Variants in CD96 observed in about 807,000 individuals in gnomAD.
The protein encoded by CD96 is CD96 molecule.
A neutral mutation model predicts 71.3 loss-of-function variants in CD96; 70 were observed. That is an observed-to-expected ratio of 0.98 (90% CI 0.81 to 1.20). CD96 has a LOEUF of 1.20. CD96 is among the 50% of genes most tolerant of loss of function. The pLI is 0.00. For missense variants in CD96, 742 were observed against 677.5 expected (o/e 1.10, Z -1.06); for synonymous variants, 248 against 233.0 (o/e 1.06, Z -0.59).
At chr3:111,585,186 T>C (rs1936649293) in intron 4 of CD96, 137 bp from the exon 5 acceptor site, 1 of 301,628 alleles carries the variant, frequency 3.3e-6, no homozygotes, top group African/African-American at 2.3e-5. Flanking sequence ...CTGGCAGTAT[T>C]ATATTAATAA....
rs542759447 is a variant in CD96 at position 111,553,323 on chromosome 3, C to T, written c.418+7921C>T. ...GATGATTTGTCCAGCCTGGATTTTGCTCTTATAGTCCCATAGTATCTCTAT... is the reference window on the plus strand; with the variant it reads ...GATGATTTGTCCAGCCTGGATTTTGTTCTTATAGTCCCATAGTATCTCTAT... On this transcript the variant is annotated intron_variant, in intron 2 of 13. Transcript: ENST00000352690. Among the ~76,000 whole-genome samples, 11 of 151,804 alleles carry T rather than the reference C, an allele frequency of 7.2e-5. No individual in the cohort carries two copies. In the South Asian group the frequency reaches 1.7e-3, roughly 23 times the overall value.
rs568235407 is a variant in CD96, at chr3:111,610,247, T to A, written c.1180+3455T>A. ...TTATCTTTTTGGAATAATCACTGAATTACTATTGAAAAATCCAAATTTTGC... is the reference window on the plus strand; with the variant it reads ...TTATCTTTTTGGAATAATCACTGAAATACTATTGAAAAATCCAAATTTTGC... On this transcript the variant is annotated intron_variant, in intron 8 of 13. Coordinates refer to ENST00000352690, the MANE Select transcript of CD96 (RefSeq NM_005816.5). 1.8e-4 allele frequency among the ~76,000 whole-genome samples: 28 copies of A among 152,378 alleles called. No individual in the cohort carries two copies. In the South Asian group the frequency reaches 4.8e-3, roughly 26 times the overall value.
chr3:111,618,324 G>A (rs1938348217), intron 8 of CD96, among the ~76,000 whole-genome samples: 1 of 152,168 alleles, frequency 6.6e-6, no homozygotes, highest in African/African-American at 2.4e-5. Context: ...AGGATCCCGT[G>A]ACAATTTCAC....
intron 4 of CD96, 162 bp downstream of exon 4, chr3:111,579,396 T>A: frequency 2.8e-6 from 2 of 701,842 alleles, no homozygotes; most frequent in African/African-American, 1.7e-5. Flanking sequence ...GGCAGGGGGA[T>A]GAGGGTAGGA....
chr3:111,570,387 G>C (rs546353662), intron 3 of CD96, among the ~76,000 whole-genome samples: 9 of 152,274 alleles, frequency 5.9e-5, no homozygotes, highest in African/African-American at 1.9e-4. Flanking sequence ...TGGGATCAAA[G>C]GTTGTGCAGA....
intron 14 of CD96, among the ~76,000 whole-genome samples, chr3:111,662,465 C>G (rs369557464): frequency 6.6e-6 from 1 of 152,196 alleles, no homozygotes; most frequent in Admixed American, 6.5e-5. Context: ...AATTTTCCAA[C>G]CTTTTATGCT....
chr3:111,616,002 G>A (rs941280465), intron 8 of CD96, among the ~76,000 whole-genome samples: 4 of 151,856 alleles, frequency 2.6e-5, no homozygotes, highest in Non-Finnish European at 4.4e-5. Context: ...CGAAATTTTT[G>A]TTCAAATGTC....
chr3:111,606,366 G>T (rs1937624420), intron 7 of CD96, among the ~76,000 whole-genome samples: 1 of 152,136 alleles, frequency 6.6e-6, no homozygotes, highest in African/African-American at 2.4e-5. Flanking sequence ...ACCAGGTCTT[G>T]GTAAAGTGTA....
chr3:111,584,495 C>T (rs1455607901), intron 4 of CD96, among the ~76,000 whole-genome samples: 1 of 152,166 alleles, frequency 6.6e-6, no homozygotes, highest in Admixed American at 6.5e-5. Flanking sequence ...TTTCACACTG[C>T]TGATAAAGAC....
At chr3:111,599,195 C>G (rs951714982) in intron 6 of CD96, among the ~76,000 whole-genome samples, 2 of 152,056 alleles carry the variant, frequency 1.3e-5, no homozygotes, top group African/African-American at 2.4e-5. Flanking sequence ...GTCTCGATCT[C>G]CTGACCTCGT....
At chr3:111,595,734 T>G (rs1441637979) in intron 5 of CD96, among the ~76,000 whole-genome samples, 1 of 150,898 alleles carries the variant, frequency 6.6e-6, no homozygotes, top group Non-Finnish European at 1.5e-5. Context: ...TTATATATAA[T>G]ATGCATAATA....
At chr3:111,633,862 C>T (rs1576416958) in intron 10 of CD96, 1 of 152,560 alleles carries the variant, frequency 6.6e-6, no homozygotes, top group South Asian at 2.1e-4. Flanking sequence ...TATTGTTTGC[C>T]ACCTATACTG....
intron 2 of CD96, among the ~76,000 whole-genome samples, chr3:111,562,302 C>T (rs56217549): frequency 0.12 from 18,176 of 152,186 alleles, 1,186 homozygotes; most frequent in Non-Finnish European, 0.13. Flanking sequence ...CTGCAATTAC[C>T]TTTTTTCCTT....
intron 5 of CD96, among the ~76,000 whole-genome samples, chr3:111,596,384 A>G (rs146153363): frequency 6.6e-6 from 1 of 152,138 alleles, no homozygotes; most frequent in Non-Finnish European, 1.5e-5. Context: ...AGAGTCTAGA[A>G]TGTTTGAAAT....
chr3:111,622,791 C>G (rs1938576055), intron 8 of CD96, among the ~76,000 whole-genome samples: 1 of 152,206 alleles, frequency 6.6e-6, no homozygotes, highest in South Asian at 2.1e-4. Context: ...ATAACTATTT[C>G]TCTAGCTATT....
chr3:111,624,119 A>G (rs2107712436), intron 9 of CD96, among the ~76,000 whole-genome samples: 1 of 152,350 alleles, frequency 6.6e-6, no homozygotes, highest in East Asian at 1.9e-4. Flanking sequence ...TGTGACAAGA[A>G]CAGAAAAAGA....
At chr3:111,663,844 G>T (rs1352016658) in intron 14 of CD96, among the ~76,000 whole-genome samples, 1 of 151,424 alleles carries the variant, frequency 6.6e-6, no homozygotes, top group Non-Finnish European at 1.5e-5. Flanking sequence ...CACCTCCCGG[G>T]TTCACGCCAT....
At chr3:111,624,799 T>C (rs574647900) in intron 10 of CD96, among the ~76,000 whole-genome samples, 1 of 152,256 alleles carries the variant, frequency 6.6e-6, no homozygotes, top group African/African-American at 2.4e-5. Flanking sequence ...AAGAGCAAAC[T>C]AGCTAGAAAA....
chr3:111,594,071 G>A (rs1937134881), intron 5 of CD96: 2 of 1,614,160 alleles, frequency 1.2e-6, no homozygotes, highest in Non-Finnish European at 1.7e-6. Flanking sequence ...GGGCATTGGA[G>A]TGGGCATAGC....
Sources: gnomAD v4.1 joint callset for allele counts (sites outside exome capture counted in the v4.1 genomes callset) on GRCh38, gnomAD v4.1.1 for gene constraint, MANE v1.5 for transcripts, NCBI Gene and HGNC (gene_info 2026-07-23, HGNC 2026-07-21) for gene names.